TBC1D22A: variants seen among roughly 807,000 people sequenced by gnomAD.
TBC1D22A encodes the protein putative GTPase activator.
Under a neutral mutation model 60.2 loss-of-function variants are expected in TBC1D22A, and 38 were observed. The ratio of observed to expected loss-of-function variants is 0.63; its 90% CI spans 0.49 to 0.83. The LOEUF (loss-of-function observed/expected upper bound fraction) is 0.83. Among genes scored for constraint, TBC1D22A ranks in the 40% least tolerant of loss-of-function variants. The probability of loss-of-function intolerance (pLI) is 0.00; values close to 1 mark genes in which losing one functional copy is unlikely to be tolerated. For missense variants in TBC1D22A, 628 were observed against 701.0 expected (o/e 0.90, Z 1.18); for synonymous variants, 302 against 281.7 (o/e 1.07, Z -0.72).
intron 12 of TBC1D22A, among the ~76,000 whole-genome samples, chr22:47,171,793 G>A (rs2068465927): frequency 1.3e-5 from 2 of 152,328 alleles, no homozygotes; most frequent in East Asian, 1.9e-4. Flanking sequence ...CCCCGTTGTG[G>A]CCTCAGTGGA....
At chr22:46,865,252 T>C (rs1038896466) in intron 4 of TBC1D22A, among the ~76,000 whole-genome samples, 4 of 152,192 alleles carry the variant, frequency 2.6e-5, no homozygotes, top group African/African-American at 9.6e-5. Flanking sequence ...GGGTGCACCA[T>C]ACTAAGCTCT....
chr22:47,040,269 G>C (rs1208141997), intron 11 of TBC1D22A, among the ~76,000 whole-genome samples: 1 of 152,066 alleles, frequency 6.6e-6, no homozygotes, highest in Non-Finnish European at 1.5e-5. Context: ...TAAACAACCC[G>C]ATCTCAGGAG....
At chr22:47,066,528 T>C (rs1603225406) in intron 11 of TBC1D22A, among the ~76,000 whole-genome samples, 2 of 152,134 alleles carry the variant, frequency 1.3e-5, no homozygotes, top group African/African-American at 4.8e-5. Flanking sequence ...CATCCCTTGG[T>C]GAGGGACCAA....
intron 8 of TBC1D22A, among the ~76,000 whole-genome samples, chr22:46,945,437 T>G (rs1449098690): frequency 1.3e-5 from 2 of 152,224 alleles, no homozygotes; most frequent in African/African-American, 4.8e-5. Flanking sequence ...GTCTTACTAA[T>G]TCATGAAGAT....
Position 47,064,644 on chromosome 22 carries a change from CTG to C in TBC1D22A, c.1329+27449_1329+27450del, listed in dbSNP as rs767540666. On this transcript the variant is annotated intron_variant, in intron 11 of 12. Transcript: ENST00000337137. Reference sequence around the variant, plus strand: ...GTCCTCCTCAGGGCCTGGCAGGGCTCTGTGGTGACTGTCGCCATCACCGTAAC... The same window carrying C: ...GTCCTCCTCAGGGCCTGGCAGGGCTCTGGTGACTGTCGCCATCACCGTAAC... Among the ~76,000 whole-genome samples the C allele has an allele frequency of 5.3e-5, 8 of 152,350 alleles. No individual in the cohort carries two copies. The East Asian group carries it at 1.2e-3, about 22-fold the overall frequency.
intron 11 of TBC1D22A, among the ~76,000 whole-genome samples, chr22:47,106,911 G>A (rs916381805): frequency 2.6e-5 from 4 of 152,072 alleles, no homozygotes; most frequent in Non-Finnish European, 4.4e-5. Flanking sequence ...CCAGTCTGGC[G>A]ACAGAGCGAG....
chr22:47,071,106 A>G (rs1230955188), intron 11 of TBC1D22A, among the ~76,000 whole-genome samples: 1 of 152,202 alleles, frequency 6.6e-6, no homozygotes, highest in Non-Finnish European at 1.5e-5. Flanking sequence ...ACCTGTGCTT[A>G]TTTCTTTTTA....
chr22:47,158,008 C>T (rs958405106), intron 12 of TBC1D22A, among the ~76,000 whole-genome samples: 16 of 152,166 alleles, frequency 1.1e-4, no homozygotes, highest in African/African-American at 3.4e-4. Context: ...ACCCTCCAGC[C>T]GGCAGGCGTG....
At chr22:46,824,626 C>T (rs556331090) in intron 4 of TBC1D22A, among the ~76,000 whole-genome samples, 1 of 152,210 alleles carries the variant, frequency 6.6e-6, no homozygotes, top group East Asian at 1.9e-4. Flanking sequence ...TCAGAAAGAT[C>T]CCTGTGGCTT....
rs539843921 is a variant in TBC1D22A at position 47,021,907 on chromosome 22, C to T, written c.1202-15164C>T. ...AGGAACTGCCACCCGCTTGCCACCC[C>T]GCCCACTGTTGGCAGGCACTGCTGG... On this transcript the variant is annotated intron_variant, in intron 10 of 12. Transcript: ENST00000337137. 6.2e-4 allele frequency among the ~76,000 whole-genome samples: 95 copies of T among 152,326 alleles called. No individual in the cohort carries two copies. The Middle Eastern group carries it at 0.01, about 16-fold the overall frequency.
intron 1 of TBC1D22A, among the ~76,000 whole-genome samples, chr22:46,765,182 C>T (rs1191249244): frequency 6.6e-6 from 1 of 152,186 alleles, no homozygotes; most frequent in Non-Finnish European, 1.5e-5. Context: ...TTGGGTGCAC[C>T]AGGAAGGCCT....
chr22:46,968,569 ACTGCGTGGCCGGCGGTCCTGAGTGGGCGG>A (rs1288902119), intron 8 of TBC1D22A, among the ~76,000 whole-genome samples: 9 of 151,030 alleles, frequency 6.0e-5, no homozygotes, highest in Non-Finnish European at 8.8e-5. Flanking sequence ...GGGCGTCCTC[ACTGCGTGGCCGGCGGTCCTGAGTGGGCGG>A]GCGTCCTCAC....
chr22:46,917,398 C>G (rs1237136264), intron 8 of TBC1D22A, among the ~76,000 whole-genome samples: 2 of 152,154 alleles, frequency 1.3e-5, no homozygotes, highest in Admixed American at 6.5e-5. Context: ...AGAGGAGGGC[C>G]TGGTCCTGGA....
chr22:46,812,230 C>T (rs1414867412), intron 4 of TBC1D22A, among the ~76,000 whole-genome samples: 3 of 152,170 alleles, frequency 2.0e-5, no homozygotes, highest in Non-Finnish European at 2.9e-5. Context: ...GTTTGGAACT[C>T]CCTCATGCCG....
At chr22:47,138,210 T>C (rs2147134558) in intron 12 of TBC1D22A, among the ~76,000 whole-genome samples, 1 of 152,328 alleles carries the variant, frequency 6.6e-6, no homozygotes, top group East Asian at 1.9e-4. Context: ...CCAGAGCTAC[T>C]GTTTATAAAA....
At chr22:47,094,055 G>A (rs2065080777) in intron 11 of TBC1D22A, among the ~76,000 whole-genome samples, 1 of 152,192 alleles carries the variant, frequency 6.6e-6, no homozygotes, top group Non-Finnish European at 1.5e-5. Flanking sequence ...AAGCAGTCAA[G>A]ATGAATGAGG....
At chr22:46,773,741 G>A (rs2083584990) in intron 1 of TBC1D22A, among the ~76,000 whole-genome samples, 1 of 152,178 alleles carries the variant, frequency 6.6e-6, no homozygotes, top group Non-Finnish European at 1.5e-5. Flanking sequence ...CAAAGTGCTG[G>A]GATTACAGGT....
chr22:47,112,647 G>A (rs2065894087), intron 12 of TBC1D22A, among the ~76,000 whole-genome samples: 1 of 152,218 alleles, frequency 6.6e-6, no homozygotes, highest in Admixed American at 6.5e-5. Context: ...ACAGATCCTG[G>A]CCCAGCAGAT....
At chr22:47,023,485 T>C (rs2062154214) in intron 10 of TBC1D22A, among the ~76,000 whole-genome samples, 2 of 152,184 alleles carry the variant, frequency 1.3e-5, no homozygotes, top group Non-Finnish European at 2.9e-5. Context: ...ACCTGTAGAA[T>C]TGAGAATGTG....
Sources: allele counts gnomAD v4.1 joint callset (sites outside exome capture counted in the v4.1 genomes callset), GRCh38; gene constraint gnomAD v4.1.1; transcripts MANE v1.5; gene names NCBI Gene and HGNC (gene_info 2026-07-23, HGNC 2026-07-21).